The following ASCC3 variants were observed in gnomAD, a reference collection of about 807,000 sequenced individuals.
ASCC3 encodes ASC-1 complex subunit P200.
Under a neutral mutation model 256.3 loss-of-function variants are expected in ASCC3, and 158 were observed. The ratio of observed to expected loss-of-function variants is 0.62; its 90% CI spans 0.54 to 0.70. The LOEUF is 0.70. ASCC3 is among the 30% of genes least tolerant of loss of function. The pLI, the probability that ASCC3 is intolerant of heterozygous loss-of-function variation, is 0.00. For synonymous variants in ASCC3, 948 were observed against 883.4 expected, an observed-to-expected ratio of 1.07 and a Z score of -1.30; for missense variants, 2,259 against 2,626.0, an observed-to-expected ratio of 0.86 and a Z score of 3.05.
chr6:100,580,778 T>A (rs1295537163), intron 36 of ASCC3, among the ~76,000 whole-genome samples: 11 of 132,444 alleles, frequency 8.3e-5, no homozygotes, highest in African/African-American at 3.1e-4. Context: ...TTCCCCTTCC[T>A]GTGTCCATGT....
At chr6:100,684,802 CTTTTTTTTT>C (rs34237443) in intron 13 of ASCC3, among the ~76,000 whole-genome samples, 6 of 94,718 alleles carry the variant, frequency 6.3e-5, no homozygotes, top group Non-Finnish European at 1.0e-4. Flanking sequence ...GAATCAAACT[CTTTTTTTTT>C]TTTTTTTTTT....
At chr6:100,694,963 C>A (rs1778016260) in intron 13 of ASCC3, among the ~76,000 whole-genome samples, 1 of 152,014 alleles carries the variant, frequency 6.6e-6, no homozygotes, top group South Asian at 2.1e-4. Context: ...AAAATAATAA[C>A]TTTATATGGA....
At chr6:100,711,275 G>A (rs1261138610) in intron 13 of ASCC3, among the ~76,000 whole-genome samples, 1 of 152,116 alleles carries the variant, frequency 6.6e-6, no homozygotes, top group Non-Finnish European at 1.5e-5. Flanking sequence ...ATGCATGCAA[G>A]TCTGATCAGT....
chr6:100,581,526 T>C (rs1224607604), intron 36 of ASCC3, among the ~76,000 whole-genome samples: 1 of 151,916 alleles, frequency 6.6e-6, no homozygotes, highest in Non-Finnish European at 1.5e-5. Context: ...TCTCCCATTT[T>C]GTAGGTTGCC....
At chr6:100,798,938 T>C (rs1271877020) in intron 7 of ASCC3, 100 bp from the exon 8 acceptor site, 5 of 1,101,314 alleles carry the variant, frequency 4.5e-6, no homozygotes, top group Non-Finnish European at 6.6e-6. Flanking sequence ...ACTGGTTTTA[T>C]AACAAAGCAC....
chr6:100,845,858 C>A (rs1772357359), intron 4 of ASCC3, among the ~76,000 whole-genome samples: 1 of 152,114 alleles, frequency 6.6e-6, no homozygotes, highest in Admixed American at 6.6e-5. Context: ...TGTCAATTAA[C>A]TATTCAGAGC....
chr6:100,602,562 A>G (rs1357931828), intron 33 of ASCC3, among the ~76,000 whole-genome samples: 4 of 152,106 alleles, frequency 2.6e-5, no homozygotes, highest in Non-Finnish European at 5.9e-5. Context: ...GGAAGAGCAC[A>G]GGTACAGGAC....
chr6:100,802,385 TC>T (rs1453231594), intron 5 of ASCC3, among the ~76,000 whole-genome samples: 1 of 152,062 alleles, frequency 6.6e-6, no homozygotes, highest in Non-Finnish European at 1.5e-5. Context: ...AGATGCCTGC[TC>T]CCCTTTTGCC....
At chr6:100,515,491 G>T (rs1773976149) in intron 39 of ASCC3, among the ~76,000 whole-genome samples, 3 of 152,108 alleles carry the variant, frequency 2.0e-5, no homozygotes, top group Admixed American at 6.6e-5. Context: ...CATGTTTAGG[G>T]TAAAACTGCT....
rs763287808 is a variant in ASCC3 at position 100,767,133 on chromosome 6, T to G, written c.1596+12A>C. On this transcript the variant is annotated intron_variant, in intron 9 of 41. Coordinates refer to ENST00000369162, the MANE Select transcript of ASCC3 (RefSeq NM_006828.4). ...ACAATTTAAAAAGCTGTTGTCTGAT[T>G]TATTTACTTACCTTAAATTCATTCT... is the stretch of plus-strand genomic sequence containing the variant. The G allele has an allele frequency of 1.2e-6, 2 of 1,610,940 alleles. No individual in the cohort carries two copies. The highest frequency in any genetic ancestry group is 1.7e-6 in the Non-Finnish European group (2 of 1,177,162).
chr6:100,515,272 T>C (rs1286449930), intron 39 of ASCC3, among the ~76,000 whole-genome samples: 2 of 152,186 alleles, frequency 1.3e-5, no homozygotes, highest in African/African-American at 2.4e-5. Context: ...GCATTTATTA[T>C]GAATATTTAA....
At chr6:100,719,067 C>T (rs1779206261) in intron 11 of ASCC3, among the ~76,000 whole-genome samples, 1 of 152,098 alleles carries the variant, frequency 6.6e-6, no homozygotes, top group Admixed American at 6.6e-5. Context: ...CATCCATCAA[C>T]ACTGGGTTAG....
chr6:100,767,034 G>T, intron 9 of ASCC3, 111 bp downstream of exon 9: 2 of 1,114,074 alleles, frequency 1.8e-6, no homozygotes, highest in Non-Finnish European at 2.6e-6. Flanking sequence ...TTACTTATCT[G>T]ACTTCAAGTA....
chr6:100,677,839 G>A (rs1055540486), intron 14 of ASCC3, among the ~76,000 whole-genome samples: 9 of 151,888 alleles, frequency 5.9e-5, no homozygotes, highest in South Asian at 2.1e-4. Flanking sequence ...TAATAAAAAT[G>A]ACTAGGGATT....
chr6:100,704,599 A>G (rs569813570), intron 13 of ASCC3, among the ~76,000 whole-genome samples: 85 of 152,182 alleles, frequency 5.6e-4, no homozygotes, highest in Middle Eastern at 6.8e-3. Context: ...AAATTAATCT[A>G]TAATTATTAG....
At chr6:100,816,940 TA>T (rs558055371) in intron 4 of ASCC3, among the ~76,000 whole-genome samples, 173 of 147,304 alleles carry the variant, frequency 1.2e-3, no homozygotes, top group Non-Finnish European at 1.9e-3. Context: ...TTTTAAAAAT[TA>T]AAAAAAAAAG....
chr6:100,660,166 T>C (rs1283307567), intron 16 of ASCC3, among the ~76,000 whole-genome samples: 1 of 151,618 alleles, frequency 6.6e-6, no homozygotes, highest in Non-Finnish European at 1.5e-5. Flanking sequence ...CTACATTTTA[T>C]ATAAAAGAAA....
At chr6:100,789,224 G>T (rs187414159) in intron 8 of ASCC3, among the ~76,000 whole-genome samples, 1 of 151,838 alleles carries the variant, frequency 6.6e-6, no homozygotes, top group Non-Finnish European at 1.5e-5. Context: ...TATAAATCCC[G>T]TTGACTTTTA....
At chr6:100,526,125 T>C (rs559057465) in intron 37 of ASCC3, among the ~76,000 whole-genome samples, 3 of 152,334 alleles carry the variant, frequency 2.0e-5, no homozygotes, top group Admixed American at 2.0e-4. Context: ...AAGGTTAGCA[T>C]TCAGGAAGCT....
Sources: gnomAD v4.1 joint callset for allele counts (sites outside exome capture counted in the v4.1 genomes callset) on GRCh38, gnomAD v4.1.1 for gene constraint, MANE v1.5 for transcripts, NCBI Gene and HGNC (gene_info 2026-07-23, HGNC 2026-07-21) for gene names.